The following KIF7 variants were observed in gnomAD, a reference collection of about 807,000 sequenced individuals.
The protein encoded by KIF7 is kinesin-like protein KIF7.
KIF7 carries 104 observed loss-of-function variants against 135.7 expected under a neutral mutation model. That is an observed-to-expected ratio of 0.77 (90% CI 0.65 to 0.90). The LOEUF (loss-of-function observed/expected upper bound fraction) is 0.90, where lower values mean the gene tolerates loss of function less well. Ranked by LOEUF, KIF7 falls within the 40% of genes least tolerant of loss-of-function variation. The probability of loss-of-function intolerance (pLI) is 0.00; values close to 1 mark genes in which losing one functional copy is unlikely to be tolerated. For synonymous variants in KIF7, 883 were observed against 809.4 expected (o/e 1.09, Z -1.54); for missense variants, 2,005 against 1,839.1 (o/e 1.09, Z -1.65).
At chr15:89,644,837 G>A (rs765689795) in intron 10 of KIF7, among the ~76,000 whole-genome samples, 176 bp downstream of exon 10, 2 of 152,212 alleles carry the variant, frequency 1.3e-5, no homozygotes, top group Non-Finnish European at 2.9e-5. Flanking sequence ...GGCACGGAGG[G>A]TTTATGCTAC....
intron 11 of KIF7, among the ~76,000 whole-genome samples, chr15:89,636,023 T>A (rs957344099): frequency 2.6e-5 from 4 of 152,082 alleles, no homozygotes; most frequent in African/African-American, 9.7e-5. Flanking sequence ...GGGTCAATAT[T>A]CAACATTCTT....
chr15:89,620,901 T>C (rs576972568), intron 1 of KIF7, among the ~76,000 whole-genome samples: 3 of 151,552 alleles, frequency 2.0e-5, no homozygotes, highest in East Asian at 3.9e-4. Flanking sequence ...TTTTTTGTAT[T>C]TTTAGTAGAG....
intron 1 of KIF7, among the ~76,000 whole-genome samples, chr15:89,653,416 C>T (rs896454128): frequency 2.6e-5 from 4 of 152,200 alleles, no homozygotes; most frequent in Admixed American, 1.3e-4. Flanking sequence ...ACCACCAAAT[C>T]CTGCCAATTC....
rs147767277 is a variant in KIF7 at position 89,628,692 on chromosome 15, G to T, written c.3759C>A (p.Pro1253=). 1.9e-6 allele frequency: 3 copies of T among 1,612,938 alleles called. No individual in the cohort carries two copies. The highest frequency in any genetic ancestry group is 1.7e-5 in the Admixed American group (1 of 60,008). Residue 1253 remains proline (P), a synonymous_variant, in exon 19 of 19, where the codon CCC becomes CCA. Transcript: ENST00000394412. ...GGGTGCGGGGGGCCCCCTCAGTGAG[G>T]GGGGACAGCCAGAGAAGCTCGGGTG... ...HLAPELLWLS[P]LTEGAPRTRE...
intron 4 of KIF7, 99 bp from the exon 5 acceptor site, chr15:89,648,873 C>T (rs1964071305): frequency 2.7e-6 from 4 of 1,465,712 alleles, no homozygotes; most frequent in Middle Eastern, 4.6e-4. Flanking sequence ...TTCCCGTGGG[C>T]TGGAGACCTC....
rs1273641096 is a variant in KIF7, at chr15:89,649,240, C to T, written c.657G>A (p.Thr219=). Residue 219 remains threonine (T), a synonymous_variant, in exon 4 of 19, where the codon ACG becomes ACA. Coordinates refer to ENST00000394412, the MANE Select transcript of KIF7 (RefSeq NM_198525.3). ...GCTGCTCCAGGGTCACGGTGAAGAC[C>T]GTGTGTGAGCGGCTAGACAGGTGGT... is the stretch of plus-strand genomic sequence containing the variant. ...HLNHLSSRSH[T]VFTVTLEQRG... 3 of 1,540,780 alleles carry T rather than the reference C, an allele frequency of 1.9e-6. No individual in the cohort carries two copies. The highest frequency in any genetic ancestry group is 1.7e-4 in the Middle Eastern group (1 of 5,942).
chr15:89,629,286 G>T, intron 17 of KIF7, 89 bp downstream of exon 17: 1 of 1,188,140 alleles, frequency 8.4e-7, no homozygotes, highest in Non-Finnish European at 1.1e-6. Flanking sequence ...AGGGGCGGTG[G>T]GGGGAGGGAG....
At chr15:89,631,808 C>G (rs1963685155) in intron 14 of KIF7, 98 bp from the exon 15 acceptor site, 6 of 1,038,520 alleles carry the variant, frequency 5.8e-6, no homozygotes, top group African/African-American at 3.2e-5. Flanking sequence ...GCGTCCTTCC[C>G]TCAAGAAACC....
intron 1 of KIF7, among the ~76,000 whole-genome samples, chr15:89,620,012 T>G (rs1963398972): frequency 1.3e-5 from 2 of 152,194 alleles, no homozygotes; most frequent in African/African-American, 4.8e-5. Context: ...CATGACTTTG[T>G]AATCAGTCAT....
chr15:89,630,315 CTGGTCTCTGAGGATG>C lies in KIF7; in HGVS notation c.3275_3289del (p.Ser1092_Arg1097delinsTer). The C allele has an allele frequency of 6.2e-7, 1 of 1,614,114 alleles. No homozygotes were observed. Among genetic ancestry groups the C allele is most frequent in the Non-Finnish European group, 8.5e-7 (1 of 1,180,036 alleles). ...GTCAAAATACTTGCAGAGGAGGGCT[CTGGTCTCTGAGGATG>C]AGAGGTAGCTGAGCTTGGCCATGAG... On this transcript the variant is annotated stop_gained and inframe_deletion, in exon 16 of 19. Transcript: ENST00000394412. LOFTEE classifies it high-confidence loss of function.
intron 2 of KIF7, among the ~76,000 whole-genome samples, chr15:89,652,123 C>A (rs1429637101): frequency 6.6e-6 from 1 of 152,180 alleles, no homozygotes; most frequent in Non-Finnish European, 1.5e-5. Flanking sequence ...TAAAAGGGGA[C>A]ACTTCCTTCA....
In KIF7 at chr15:89,645,144, C is replaced by A. The variant is rs200123657; in HGVS notation, c.2060G>T (p.Arg687Leu). The A allele has an allele frequency of 2.5e-6, 4 of 1,604,460 alleles. No individual in the cohort carries two copies. Among genetic ancestry groups the A allele is most frequent in the Non-Finnish European group, 3.4e-6 (4 of 1,179,962 alleles). The stretch of plus-strand genomic sequence containing the variant: ...AGGGGGGACCTGGCGGGCCTGAACT[C>A]GGGCCTTGCTCCCACCAACTGCTGC... ...GSRAVGGSKARVQARQVPPAT... is the reference protein window; with the variant it reads ...GSRAVGGSKALVQARQVPPAT... The change falls in exon 10 of 19, where the codon CGA becomes CTA. Residue 687 changes from arginine to leucine, a missense_variant. Physicochemically the swap from Arg to Leu is moderately radical, Grantham distance 102. Transcript: ENST00000394412.
downstream of KIF7, chr15:89,625,113 CCTCCCTGCTCTCAGCA>C: frequency 6.2e-7 from 1 of 1,613,816 alleles, no homozygotes; most frequent in Non-Finnish European, 8.5e-7. Flanking sequence ...AAGAGAGCTT[CCTCCCTGCTCTCAGCA>C]TGCCCAGGGC....
At chr15:89,632,213 C>CGT (rs1963694983) in intron 14 of KIF7, among the ~76,000 whole-genome samples, 1 of 152,196 alleles carries the variant, frequency 6.6e-6, no homozygotes, top group Non-Finnish European at 1.5e-5. Flanking sequence ...GGACACTGGG[C>CGT]GTGTGGCCCA....
Position 89,631,702 on chromosome 15 carries a change from G to A in KIF7, c.2904C>T (p.Asn968=), listed in dbSNP as rs756477629. Residue 968 remains asparagine (N), a synonymous_variant, in exon 15 of 19, where the codon AAC becomes AAT. Transcript: ENST00000394412. ...SKRLRSSQAL[N]EDIVRVSSRL... ...GGCTGGACACTCGCACGATGTCCTCGTTGAGGGCCTGGGGGCAGAATCACC... is the reference window on the plus strand; with the variant it reads ...GGCTGGACACTCGCACGATGTCCTCATTGAGGGCCTGGGGGCAGAATCACC... 6.8e-5 allele frequency: 105 copies of A among 1,552,616 alleles called. 1 individual carries two copies. The highest frequency in any genetic ancestry group is 8.3e-5 in the South Asian group (7 of 84,326).
chr15:89,630,870 C>T (rs1462778043), intron 15 of KIF7: 6 of 373,104 alleles, frequency 1.6e-5, no homozygotes, highest in African/African-American at 2.1e-5. Context: ...GCGTTTTCGA[C>T]GTCGTGCAAA....
In KIF7 at chr15:89,628,413, GAGGGCTTAC is replaced by G. The variant is rs1235575499; in HGVS notation, c.4029_*5del. The G allele has an allele frequency of 5.0e-6, 8 of 1,601,380 alleles. No individual in the cohort carries two copies. ...CTCCCTCCAAGGCAGGGTCTGCCCC[GAGGGCTTAC>G]AGGGGGTTTTTCCGGACATCAATCA... On this transcript the variant is annotated stop_lost and 3_prime_UTR_variant, in exon 19 of 19. Transcript: ENST00000394412.
chr15:89,624,243 G>A, downstream of KIF7: 1 of 1,614,194 alleles, frequency 6.2e-7, no homozygotes, highest in Non-Finnish European at 8.5e-7. Context: ...CAAAGAAACT[G>A]TTTACCTCTC....
chr15:89,628,910 A>C, intron 18 of KIF7, 66 bp downstream of exon 18: 1 of 1,612,178 alleles, frequency 6.2e-7, no homozygotes, highest in Non-Finnish European at 8.5e-7. Context: ...CTCGAGGGAG[A>C]GTGGTCTCTA....
Sources: allele counts gnomAD v4.1 joint callset (sites outside exome capture counted in the v4.1 genomes callset), GRCh38; gene constraint gnomAD v4.1.1; transcripts MANE v1.5; gene names NCBI Gene and HGNC (gene_info 2026-07-23, HGNC 2026-07-21).